Variants in MMP26 observed in about 807,000 individuals in gnomAD.
The protein encoded by MMP26 is matrix metallopeptidase 26.
MMP26 carries 33 observed loss-of-function variants against 31.0 expected under a neutral mutation model. The ratio of observed to expected loss-of-function variants is 1.06; its 90% confidence interval spans 0.81 to 1.42. The LOEUF (loss-of-function observed/expected upper bound fraction) is 1.42. MMP26 is among the 40% of genes most tolerant of loss of function. MMP26 has a pLI of 0.00. For missense variants in MMP26, 347 were observed against 316.1 expected (o/e 1.10, Z -0.74); for synonymous variants, 122 against 114.9 (o/e 1.06, Z -0.40).
intron 2 of MMP26, among the ~76,000 whole-genome samples, chr11:4,850,696 C>G (rs1333146954): frequency 6.6e-6 from 1 of 151,810 alleles, no homozygotes; most frequent in Non-Finnish European, 1.5e-5. Flanking sequence ...ATTCCAAATA[C>G]ATATGTTATA....
intron 2 of MMP26, among the ~76,000 whole-genome samples, chr11:4,880,436 G>A (rs56911650): frequency 0.017 from 2,521 of 152,002 alleles, 78 homozygotes; most frequent in African/African-American, 0.058. Context: ...AAAGGGAGGG[G>A]TGTAACAGAT....
intron 2 of MMP26, among the ~76,000 whole-genome samples, chr11:4,812,931 T>C (rs983178185): frequency 1.3e-5 from 2 of 151,972 alleles, no homozygotes; most frequent in Admixed American, 6.6e-5. Context: ...AAATTTGGCA[T>C]CCTGAGATTT....
At chr11:4,937,945 A>T (rs1480496315) in intron 2 of MMP26, 1 of 152,200 alleles carries the variant, frequency 6.6e-6, no homozygotes. Flanking sequence ...CATTACAGAC[A>T]GTACAGAGGC....
intron 2 of MMP26, among the ~76,000 whole-genome samples, chr11:4,888,576 A>G (rs1850575020): frequency 6.6e-6 from 1 of 152,094 alleles, no homozygotes; most frequent in South Asian, 2.1e-4. Context: ...CCTATTTTTT[A>G]CCAAAAGCAC....
intron 2 of MMP26, among the ~76,000 whole-genome samples, chr11:4,932,556 T>C (rs1851365171): frequency 2.0e-5 from 3 of 152,172 alleles, no homozygotes; most frequent in African/African-American, 7.2e-5. Context: ...GCTTTGGGAA[T>C]GAACGATATT....
chr11:4,899,000 C>A (rs890565237), intron 2 of MMP26, among the ~76,000 whole-genome samples: 13 of 152,218 alleles, frequency 8.5e-5, no homozygotes, highest in Non-Finnish European at 1.5e-4. Flanking sequence ...GGAACTGGAA[C>A]AACCCTTCAG....
chr11:4,868,915 A>AG (rs1025543411), intron 2 of MMP26, among the ~76,000 whole-genome samples: 1 of 152,152 alleles, frequency 6.6e-6, no homozygotes, highest in African/African-American at 2.4e-5. Flanking sequence ...ATAATACCAC[A>AG]CATCTACAAC....
chr11:4,974,619 A>C (rs1203363178), intron 2 of MMP26, among the ~76,000 whole-genome samples: 1 of 152,094 alleles, frequency 6.6e-6, no homozygotes, highest in Non-Finnish European at 1.5e-5. Context: ...AAAATCTACC[A>C]TCCCATGCTG....
intron 2 of MMP26, chr11:4,915,271 G>C (rs1589937832): frequency 6.2e-7 from 1 of 1,614,028 alleles, no homozygotes; most frequent in Non-Finnish European, 8.5e-7. Flanking sequence ...AGGGGTGGCA[G>C]ATAGCCACAA....
At chr11:4,902,899 C>A (rs1279861207) in intron 2 of MMP26, among the ~76,000 whole-genome samples, 2 of 151,756 alleles carry the variant, frequency 1.3e-5, no homozygotes, top group African/African-American at 4.8e-5. Flanking sequence ...GTATTTGAGC[C>A]ATGTTGTGTC....
rs1343621745 is a variant in MMP26, at chr11:4,822,181, T to C, written c.-145+54840T>C. On this transcript the variant is annotated intron_variant, in intron 2 of 7. Coordinates refer to ENST00000380390, the MANE Select transcript of MMP26 (RefSeq NM_021801.5). ...CCACATCAGTGCTGTTTCCATCTTC[T>C]ACCTCCCTCTCATCAGTTTGTCTCT... The C allele has an allele frequency of 4.3e-5, 69 of 1,606,310 alleles. 1 individual carries two copies. In the Admixed American group the frequency reaches 1.2e-3, roughly 27 times the overall value.
At chr11:4,818,309 C>T (rs780513530) in intron 2 of MMP26, among the ~76,000 whole-genome samples, 1 of 151,924 alleles carries the variant, frequency 6.6e-6, no homozygotes, top group Non-Finnish European at 1.5e-5. Context: ...GATTTTATTT[C>T]TTCAGCTAGT....
intron 2 of MMP26, among the ~76,000 whole-genome samples, chr11:4,891,501 C>G (rs1404963317): frequency 6.6e-6 from 1 of 152,178 alleles, no homozygotes; most frequent in African/African-American, 2.4e-5. Context: ...TTTATTTAAA[C>G]ATGAGATTTG....
At chr11:4,881,815 TA>T in intron 2 of MMP26, 1 of 1,197,456 alleles carries the variant, frequency 8.4e-7, no homozygotes, top group Non-Finnish European at 1.2e-6. Flanking sequence ...AAATTGTATA[TA>T]AAATGACTAA....
At chr11:4,836,115 A>G (rs923574195) in intron 2 of MMP26, among the ~76,000 whole-genome samples, 2 of 152,118 alleles carry the variant, frequency 1.3e-5, no homozygotes, top group Non-Finnish European at 2.9e-5. Context: ...TTTAATCTAT[A>G]AATATAATTT....
chr11:4,957,397 G>C (rs915669914), intron 2 of MMP26, among the ~76,000 whole-genome samples: 2 of 152,116 alleles, frequency 1.3e-5, no homozygotes, highest in African/African-American at 4.8e-5. Context: ...ATTCTACAAA[G>C]GGCATCCAGG....
chr11:4,879,450 T>C (rs893421157), intron 2 of MMP26, among the ~76,000 whole-genome samples: 2 of 152,118 alleles, frequency 1.3e-5, no homozygotes, highest in African/African-American at 2.4e-5. Context: ...CATTAGAAGG[T>C]AGTATAGCAT....
intron 2 of MMP26, among the ~76,000 whole-genome samples, chr11:4,963,632 C>G (rs1286534621): frequency 6.6e-6 from 1 of 152,122 alleles, no homozygotes; most frequent in African/African-American, 2.4e-5. Flanking sequence ...GTGTTATTTA[C>G]AGAGGTTCAA....
intron 2 of MMP26, chr11:4,848,902 A>C: frequency 1.9e-6 from 3 of 1,614,170 alleles, no homozygotes; most frequent in South Asian, 1.1e-5. Context: ...AGGCAGGCTG[A>C]GGCAGGGACA....
Sources: gnomAD v4.1 joint callset for allele counts (sites outside exome capture counted in the v4.1 genomes callset) on GRCh38, gnomAD v4.1.1 for gene constraint, MANE v1.5 for transcripts, NCBI Gene and HGNC (gene_info 2026-07-23, HGNC 2026-07-21) for gene names.